Variants in NPAS3 observed in about 807,000 individuals in gnomAD.
NPAS3 encodes neuronal PAS domain protein 3, also known as neuronal PAS domain-containing protein 3.
A neutral mutation model predicts 73.1 loss-of-function variants in NPAS3; 14 were observed. The observed-to-expected ratio is 0.19, with a 90% confidence interval of 0.13 to 0.30. NPAS3 has a LOEUF of 0.30. NPAS3 is among the 10% of genes least tolerant of loss of function. The pLI, the probability that NPAS3 is intolerant of heterozygous loss-of-function variation, is 1.00. For synonymous variants in NPAS3, 620 were observed against 541.5 expected (o/e 1.14, Z -2.01); for missense variants, 1,096 against 1,250.0 (o/e 0.88, Z 1.86).
intron 3 of NPAS3, among the ~76,000 whole-genome samples, chr14:33,262,564 A>G (rs1370544873): frequency 6.6e-6 from 1 of 152,166 alleles, no homozygotes; most frequent in Admixed American, 6.5e-5. Flanking sequence ...ATAATAGTAA[A>G]ACATTGCCTG....
intron 4 of NPAS3, among the ~76,000 whole-genome samples, chr14:33,454,040 G>T (rs1246952228): frequency 6.6e-6 from 1 of 151,862 alleles, no homozygotes; most frequent in Non-Finnish European, 1.5e-5. Context: ...TTCCCTTTTT[G>T]CCCTGGCTGC....
At chr14:33,009,891 A>C (rs1270804058) in intron 1 of NPAS3, among the ~76,000 whole-genome samples, 1 of 152,190 alleles carries the variant, frequency 6.6e-6, no homozygotes, top group East Asian at 1.9e-4. Context: ...TGGTTCTGAC[A>C]CTAAGGAACC....
chr14:32,998,972 C>T (rs1414862900), intron 1 of NPAS3, among the ~76,000 whole-genome samples: 1 of 152,186 alleles, frequency 6.6e-6, no homozygotes, highest in Non-Finnish European at 1.5e-5. Context: ...CATCATCACA[C>T]TGTGTGCTTC....
At chr14:33,455,309 G>T (rs970690935) in intron 4 of NPAS3, among the ~76,000 whole-genome samples, 8 of 152,120 alleles carry the variant, frequency 5.3e-5, no homozygotes, top group Non-Finnish European at 7.3e-5. Context: ...GATGGTTTTG[G>T]GGGGTGGGTA....
intron 5 of NPAS3, among the ~76,000 whole-genome samples, chr14:33,574,203 G>A (rs1261515818): frequency 6.6e-6 from 1 of 152,114 alleles, no homozygotes; most frequent in African/African-American, 2.4e-5. Context: ...CTGCTGAGAA[G>A]GCAAGCCTCA....
chr14:33,584,337 G>A lies in NPAS3; in HGVS notation c.558+24127G>A, dbSNP rs554839578. ...GAAACATTGTATGCAGCTGTCACCA[G>A]ACTGCCAAAAGGGTCCAGAGTAGAA... On this transcript the variant is annotated intron_variant, in intron 5 of 11. Transcript: ENST00000356141. Among the ~76,000 whole-genome samples the A allele has an allele frequency of 2.4e-4, 37 of 151,556 alleles. No homozygotes were observed. The South Asian group carries it at 7.3e-3, about 30-fold the overall frequency.
At chr14:33,666,010 A>G (rs2059440724) in intron 5 of NPAS3, among the ~76,000 whole-genome samples, 1 of 152,202 alleles carries the variant, frequency 6.6e-6, no homozygotes, top group Non-Finnish European at 1.5e-5. Context: ...GTCTACAGTG[A>G]GACAATTGTC....
At chr14:33,115,532 GTGAT>G (rs1241971784) in intron 2 of NPAS3, among the ~76,000 whole-genome samples, 1 of 152,128 alleles carries the variant, frequency 6.6e-6, no homozygotes, top group Non-Finnish European at 1.5e-5. Flanking sequence ...GTAAAATGAT[GTGAT>G]TATGAAAAGG....
intron 5 of NPAS3, chr14:33,608,621 C>T (rs975434996): frequency 5.3e-5 from 8 of 152,266 alleles, no homozygotes; most frequent in Middle Eastern, 3.4e-3. Context: ...TGTAGTGGGA[C>T]CCAGTTTCCA....
intron 4 of NPAS3, among the ~76,000 whole-genome samples, chr14:33,475,258 G>C (rs546660885): frequency 2.0e-4 from 31 of 152,082 alleles, no homozygotes; most frequent in Non-Finnish European, 4.0e-4. Context: ...AATCACGAAA[G>C]TTTTAAGAAT....
intron 3 of NPAS3, among the ~76,000 whole-genome samples, chr14:33,252,565 A>C (rs907675138): frequency 1.7e-4 from 26 of 151,968 alleles, no homozygotes; most frequent in African/African-American, 5.3e-4. Context: ...CTTAAAGTTT[A>C]TTAGAGTTGT....
At chr14:32,940,914 A>G (rs1338636966) in intron 1 of NPAS3, among the ~76,000 whole-genome samples, 4 of 152,228 alleles carry the variant, frequency 2.6e-5, no homozygotes, top group Non-Finnish European at 5.9e-5. Flanking sequence ...AACATCATAT[A>G]TCAGAGAGTA....
intron 2 of NPAS3, among the ~76,000 whole-genome samples, chr14:33,200,106 T>A (rs192024293): frequency 1.3e-5 from 2 of 152,006 alleles, no homozygotes; most frequent in East Asian, 3.9e-4. Context: ...TGATTGAACT[T>A]TTGGTTGTGA....
At chr14:33,186,430 T>C (rs2139475598) in intron 2 of NPAS3, among the ~76,000 whole-genome samples, 1 of 152,332 alleles carries the variant, frequency 6.6e-6, no homozygotes, top group African/African-American at 2.4e-5. Context: ...TACACTCAAT[T>C]ATCGTCTCTG....
At chr14:33,325,730 T>G (rs117658487) in intron 3 of NPAS3, among the ~76,000 whole-genome samples, 8,784 of 147,132 alleles carry the variant, frequency 0.06, 262 homozygotes, top group African/African-American at 0.069. Context: ...TCATTCTATC[T>G]GGGTTTTTTT....
chr14:33,267,071 T>C (rs2040852039), intron 3 of NPAS3, among the ~76,000 whole-genome samples: 1 of 152,182 alleles, frequency 6.6e-6, no homozygotes, highest in South Asian at 2.1e-4. Flanking sequence ...GTTTATGAAA[T>C]CTGCTATTGT....
chr14:33,010,385 A>C (rs2039147620), intron 1 of NPAS3, among the ~76,000 whole-genome samples: 1 of 152,184 alleles, frequency 6.6e-6, no homozygotes, highest in Non-Finnish European at 1.5e-5. Flanking sequence ...TCAATAGTCA[A>C]AGTGAGAAGT....
At chr14:33,444,717 T>C (rs1283006793) in intron 4 of NPAS3, among the ~76,000 whole-genome samples, 1 of 152,260 alleles carries the variant, frequency 6.6e-6, no homozygotes, top group Non-Finnish European at 1.5e-5. Flanking sequence ...TTATGCTTTA[T>C]ATATTTATAT....
intron 4 of NPAS3, among the ~76,000 whole-genome samples, chr14:33,405,664 C>A (rs1412511807): frequency 6.6e-6 from 1 of 152,046 alleles, no homozygotes; most frequent in Non-Finnish European, 1.5e-5. Flanking sequence ...TAGCCTCTAG[C>A]AAATCCCATT....
Sources: allele counts gnomAD v4.1 joint callset (sites outside exome capture counted in the v4.1 genomes callset), GRCh38; gene constraint gnomAD v4.1.1; transcripts MANE v1.5; gene names NCBI Gene and HGNC (gene_info 2026-07-23, HGNC 2026-07-21).